The following MICU1 variants were observed in gnomAD, a reference collection of about 807,000 sequenced individuals.
MICU1 encodes calcium uptake protein 1, mitochondrial.
In MICU1, 45 loss-of-function variants were observed where a neutral mutation model predicts 56.8. The ratio of observed to expected loss-of-function variants is 0.79; its 90% CI spans 0.62 to 1.02. The LOEUF is 1.02. MICU1 is among the 50% of genes least tolerant of loss of function. The probability of loss-of-function intolerance (pLI) is 0.00; values close to 1 mark genes in which losing one functional copy is unlikely to be tolerated. For synonymous variants in MICU1, 186 were observed against 195.1 expected, an observed-to-expected ratio of 0.95 and a Z score of 0.39; for missense variants, 504 against 587.1, an observed-to-expected ratio of 0.86 and a Z score of 1.46.
At chr10:72,446,519 G>A (rs1362510553) in intron 8 of MICU1, among the ~76,000 whole-genome samples, 1 of 152,060 alleles carries the variant, frequency 6.6e-6, no homozygotes, top group African/African-American at 2.4e-5. Flanking sequence ...AGTAGAGACA[G>A]GGTTTCACCT....
intron 6 of MICU1, among the ~76,000 whole-genome samples, chr10:72,499,675 A>G (rs1381445928): frequency 6.6e-6 from 1 of 152,218 alleles, no homozygotes; most frequent in Non-Finnish European, 1.5e-5. Flanking sequence ...TTTTCTGTGT[A>G]ACTTCCCCAA....
At chr10:72,565,604 C>T (rs989247191) in intron 2 of MICU1, among the ~76,000 whole-genome samples, 5 of 151,118 alleles carry the variant, frequency 3.3e-5, no homozygotes, top group East Asian at 1.9e-4. Flanking sequence ...CTAACCTGCA[C>T]GTTGTGCACA....
At chr10:72,520,655 T>G (rs1477428644) in intron 5 of MICU1, among the ~76,000 whole-genome samples, 2 of 152,108 alleles carry the variant, frequency 1.3e-5, no homozygotes, top group Non-Finnish European at 2.9e-5. Flanking sequence ...TCCAAATACC[T>G]GGAATGCAAA....
intron 6 of MICU1, among the ~76,000 whole-genome samples, chr10:72,488,544 G>A (rs1023105097): frequency 2.6e-5 from 4 of 152,096 alleles, no homozygotes; most frequent in Admixed American, 1.3e-4. Context: ...TACTATAAAT[G>A]TCTTCCTAAA....
At chr10:72,438,455 T>TA (rs1864808933) in intron 8 of MICU1, among the ~76,000 whole-genome samples, 1 of 152,086 alleles carries the variant, frequency 6.6e-6, no homozygotes, top group Admixed American at 6.6e-5. Context: ...AGGAACGATC[T>TA]AAAATCGACA....
chr10:72,491,559 G>A (rs1319806632), intron 6 of MICU1, among the ~76,000 whole-genome samples: 1 of 152,174 alleles, frequency 6.6e-6, no homozygotes, highest in Non-Finnish European at 1.5e-5. Context: ...GAGAGTTAAT[G>A]TAACTTGGGT....
intron 3 of MICU1, 93 bp from the exon 4 acceptor site, chr10:72,551,434 T>C: frequency 1.1e-6 from 1 of 882,128 alleles, no homozygotes; most frequent in Non-Finnish European, 1.6e-6. Context: ...TCTCATATAT[T>C]TTCCATCCTA....
chr10:72,511,706 G>A (rs1286206645), intron 5 of MICU1, among the ~76,000 whole-genome samples: 1 of 152,246 alleles, frequency 6.6e-6, no homozygotes, highest in East Asian at 1.9e-4. Flanking sequence ...GTACAAAAAA[G>A]GTCATTTCTT....
intron 10 of MICU1, among the ~76,000 whole-genome samples, chr10:72,376,982 A>G (rs1013540482): frequency 6.6e-6 from 1 of 152,088 alleles, no homozygotes; most frequent in African/African-American, 2.4e-5. Context: ...TTGGTGGGTG[A>G]ATGACAGCTA....
intron 9 of MICU1, among the ~76,000 whole-genome samples, chr10:72,420,594 A>G (rs1035600890): frequency 6.6e-6 from 1 of 152,008 alleles, no homozygotes; most frequent in East Asian, 1.9e-4. Flanking sequence ...TGGGAAGAGT[A>G]CTGGGCTGGG....
At chr10:72,559,613 C>T (rs1297079083) in intron 3 of MICU1, among the ~76,000 whole-genome samples, 1 of 152,040 alleles carries the variant, frequency 6.6e-6, no homozygotes, top group African/African-American at 2.4e-5. Context: ...ATTGCTTGAG[C>T]TCACAAGTTT....
intron 5 of MICU1, among the ~76,000 whole-genome samples, chr10:72,527,563 A>G (rs1044375199): frequency 1.3e-5 from 2 of 152,052 alleles, no homozygotes; most frequent in Non-Finnish European, 2.9e-5. Context: ...GGCTATTGCT[A>G]TGTTGCCCAG....
chr10:72,424,638 C>G (rs1419647819), intron 8 of MICU1, among the ~76,000 whole-genome samples: 2 of 152,058 alleles, frequency 1.3e-5, no homozygotes, highest in Admixed American at 1.3e-4. Context: ...CTATAACAGC[C>G]TACAGAGCAG....
intron 10 of MICU1, among the ~76,000 whole-genome samples, chr10:72,397,976 A>G (rs188851748): frequency 3.9e-5 from 6 of 152,324 alleles, no homozygotes; most frequent in African/African-American, 1.4e-4. Context: ...TCAACAAAAT[A>G]TACATTCTTC....
chr10:72,567,396 A>C (rs577048622), intron 1 of MICU1, among the ~76,000 whole-genome samples: 1 of 152,320 alleles, frequency 6.6e-6, no homozygotes, highest in East Asian at 1.9e-4. Flanking sequence ...AAGTTAAAGA[A>C]ATAGCAGATA....
chr10:72,478,506 G>A (rs1866191529), intron 6 of MICU1, among the ~76,000 whole-genome samples: 1 of 152,104 alleles, frequency 6.6e-6, no homozygotes, highest in Admixed American at 6.5e-5. Flanking sequence ...AATATTCTAT[G>A]TGTCCTTATA....
At chr10:72,453,982 C>T (rs1865377520) in intron 8 of MICU1, among the ~76,000 whole-genome samples, 1 of 151,906 alleles carries the variant, frequency 6.6e-6, no homozygotes, top group Non-Finnish European at 1.5e-5. Flanking sequence ...ATTGCAGATG[C>T]ACACCACCAC....
rs1000527985 is a variant in MICU1 at position 72,423,514 on chromosome 10, G to A, written c.934-143C>T. 3.8e-6 allele frequency: 4 copies of A among 1,040,800 alleles called. No individual in the cohort carries two copies. The African/African-American group carries it at 4.9e-5, about 13-fold the overall frequency. The allele number at this position is 1,040,800 out of a possible 1,614,324, so 64.5% of individuals were successfully genotyped here. On this transcript the variant is annotated intron_variant, in intron 8 of 11. Transcript: ENST00000361114. ...TGAGGTACAATTCTCAGTAAGATCT[G>A]CAAAAACTAAGAAACAGAAGATATA...
intron 10 of MICU1, among the ~76,000 whole-genome samples, chr10:72,382,740 C>T (rs1862758755): frequency 6.6e-6 from 1 of 152,106 alleles, no homozygotes; most frequent in African/African-American, 2.4e-5. Flanking sequence ...GAAACCCCGT[C>T]TCTACTAAAA....
Sources: gnomAD v4.1 joint callset for allele counts (sites outside exome capture counted in the v4.1 genomes callset) on GRCh38, gnomAD v4.1.1 for gene constraint, MANE v1.5 for transcripts, NCBI Gene and HGNC (gene_info 2026-07-23, HGNC 2026-07-21) for gene names.